Variants in IQCH observed in about 807,000 individuals in gnomAD.
IQCH encodes IQ motif containing H.
In IQCH, 98 loss-of-function variants were observed where a neutral mutation model predicts 117.0. The ratio of observed to expected loss-of-function variants is 0.84; its 90% CI spans 0.71 to 0.99. The LOEUF (loss-of-function observed/expected upper bound fraction) is 0.99, where lower values mean the gene tolerates loss of function less well. Among genes scored for constraint, IQCH ranks in the 50% least tolerant of loss-of-function variants. IQCH has a pLI of 0.00. For missense variants in IQCH, 1,102 were observed against 1,243.8 expected (o/e 0.89, Z 1.72); for synonymous variants, 412 against 448.2 (o/e 0.92, Z 1.02).
intron 18 of IQCH, among the ~76,000 whole-genome samples, chr15:67,484,235 G>A (rs933563206): frequency 6.6e-6 from 1 of 151,838 alleles, no homozygotes; most frequent in African/African-American, 2.4e-5. Flanking sequence ...GCAAAACCCT[G>A]TCTCCACAAA....
At position 67,476,042 on chromosome 15, in the gene IQCH, A is replaced by G. The variant is rs1395131607; in HGVS notation, c.2799+224A>G. ...ACTTCGTCTCCAATCTTACACACCCACTTTGCTAAAGCAGAAGCCATGCAA... is the reference window on the plus strand; with the variant it reads ...ACTTCGTCTCCAATCTTACACACCCGCTTTGCTAAAGCAGAAGCCATGCAA... On this transcript the variant is annotated intron_variant, in intron 18 of 20. Coordinates refer to ENST00000335894, the MANE Select transcript of IQCH (RefSeq NM_001031715.3). This position sits in a 1 kb window ranked among gnomAD's most constrained non-coding sequence, Gnocchi z 4.1. Among the ~76,000 whole-genome samples, 1 of 152,194 alleles carries G rather than the reference A, an allele frequency of 6.6e-6. No individual in the cohort carries two copies. The highest frequency in any genetic ancestry group is 6.6e-5 in the Admixed American group (1 of 15,266).
At chr15:67,312,250 G>A (rs182262933) in intron 4 of IQCH, among the ~76,000 whole-genome samples, 177 of 152,212 alleles carry the variant, frequency 1.2e-3, no homozygotes, top group African/African-American at 3.9e-3. Flanking sequence ...TCACACCTAT[G>A]ATAGGTTTAG....
At chr15:67,442,184 T>G (rs2082285083) in intron 16 of IQCH, among the ~76,000 whole-genome samples, 1 of 150,274 alleles carries the variant, frequency 6.7e-6, no homozygotes, top group African/African-American at 2.5e-5. Context: ...GCCAAGGTGG[T>G]CAGGTCACCT....
intron 4 of IQCH, among the ~76,000 whole-genome samples, chr15:67,329,975 T>A (rs1013546586): frequency 1.3e-5 from 2 of 152,126 alleles, no homozygotes; most frequent in Non-Finnish European, 1.5e-5. Flanking sequence ...AGCATAGAAG[T>A]TTGTGGCTCG....
At chr15:67,464,783 T>C (rs1307532069) in intron 16 of IQCH, among the ~76,000 whole-genome samples, 1 of 152,162 alleles carries the variant, frequency 6.6e-6, no homozygotes. Context: ...TCAGTCTCAT[T>C]TTCTCAGTAG....
chr15:67,281,956 T>A (rs1050602901), intron 4 of IQCH: 13 of 355,862 alleles, frequency 3.7e-5, no homozygotes, highest in South Asian at 2.8e-4. Flanking sequence ...ACTTGTTACA[T>A]TGGGTCTGTC....
At position 67,424,963 on chromosome 15, in the gene IQCH, T is replaced by TG. The variant is rs2081848843; in HGVS notation, c.2505+3387dup. Among the ~76,000 whole-genome samples, 1 of 152,248 alleles carries TG rather than the reference T, an allele frequency of 6.6e-6. No individual in the cohort carries two copies. Among genetic ancestry groups the TG allele is most frequent in the African/African-American group, 2.4e-5 (1 of 41,470 alleles). ...ATCTTAATTTTTTTTCTAATTGACA[T>TG]GCCTTGTGATGCCATTGAAGCGACT... is the stretch of plus-strand genomic sequence containing the variant. On this transcript the variant is annotated intron_variant, in intron 16 of 20. Transcript: ENST00000335894. The surrounding 1 kb of genome is among the most constrained non-coding windows in gnomAD (Gnocchi z 4.9).
Position 67,485,190 on chromosome 15 carries a change from A to G in IQCH, c.2800-4813A>G, listed in dbSNP as rs560928479. 2.0e-5 allele frequency among the ~76,000 whole-genome samples: 3 copies of G among 152,314 alleles called. No homozygotes were observed. In the South Asian group the frequency reaches 6.2e-4, roughly 32 times the overall value. ...AGGACTAATATGTTCAAGAAAACAT[A>G]TATGTTTGTAATATGTTCATGTCAC... On this transcript the variant is annotated intron_variant, in intron 18 of 20. Transcript: ENST00000335894.
intron 16 of IQCH, among the ~76,000 whole-genome samples, chr15:67,429,499 CA>C (rs1437672111): frequency 6.6e-6 from 1 of 152,120 alleles, no homozygotes; most frequent in African/African-American, 2.4e-5. Context: ...GCTTGAGCAA[CA>C]GAACGAGACC....
rs1351349840 is a variant in IQCH at position 67,372,494 on chromosome 15, A to G, written c.1137A>G (p.Thr379=). ...NSEAAMKIQA[T]WKCYKARKFF... Reference sequence around the variant, plus strand: ...AGGCCGCCATGAAGATCCAAGCCACATGGAAATGCTACAAAGCAAGAAAAT... The same window carrying G: ...AGGCCGCCATGAAGATCCAAGCCACGTGGAAATGCTACAAAGCAAGAAAAT... The change falls in exon 9 of 21, where the codon ACA becomes ACG. Residue 379 remains threonine (T), a synonymous_variant. Transcript: ENST00000335894. 7.4e-6 allele frequency: 12 copies of G among 1,614,082 alleles called. No individual in the cohort carries two copies. Among genetic ancestry groups the G allele is most frequent in the East Asian group, 4.5e-5 (2 of 44,878 alleles).
At chr15:67,434,785 CTTTT>C (rs775675138) in intron 16 of IQCH, among the ~76,000 whole-genome samples, 1 of 126,866 alleles carries the variant, frequency 7.9e-6, no homozygotes, top group Non-Finnish European at 1.6e-5. Flanking sequence ...CTTTTCTTTT[CTTTT>C]TTTTTTTTTT....
rs966427644 is a variant in IQCH, at chr15:67,457,167, ATTTAGGCAGAGGGCCTATTGC to A, written c.2506-7959_2506-7939del. On this transcript the variant is annotated intron_variant, in intron 16 of 20. Transcript: ENST00000335894. This position sits in a 1 kb window ranked among gnomAD's most constrained non-coding sequence, Gnocchi z 5.7. ...CGGCTGCTCTCCCCTCTGCCTATTG[ATTTAGGCAGAGGGCCTATTGC>A]ATTTTAATGTTATGCAAACAACTCT... Among the ~76,000 whole-genome samples, 5 of 152,198 alleles carry A rather than the reference ATTTAGGCAGAGGGCCTATTGC, an allele frequency of 3.3e-5. No homozygotes were observed. Among genetic ancestry groups the A allele is most frequent in the African/African-American group, 9.7e-5 (4 of 41,448 alleles).
chr15:67,468,599 A>T (rs747078887), intron 17 of IQCH, among the ~76,000 whole-genome samples: 2 of 152,248 alleles, frequency 1.3e-5, no homozygotes, highest in Non-Finnish European at 2.9e-5. Flanking sequence ...GCAGTTCATT[A>T]TGCATGTGGA....
rs553691569 is a variant in IQCH at position 67,385,243 on chromosome 15, G to A, written c.1456+224G>A. ...AAATGACATTTTAACCAATTTACTTGGGCAGTTTTCTAGATTATCTTTGCT... is the reference window on the plus strand; with the variant it reads ...AAATGACATTTTAACCAATTTACTTAGGCAGTTTTCTAGATTATCTTTGCT... On this transcript the variant is annotated intron_variant, in intron 11 of 20. Transcript: ENST00000335894. This position sits in a 1 kb window ranked among gnomAD's most constrained non-coding sequence, Gnocchi z 4.6. Among the ~76,000 whole-genome samples, 1 of 152,166 alleles carries A rather than the reference G, an allele frequency of 6.6e-6. No individual in the cohort carries two copies. The highest frequency in any genetic ancestry group is 1.5e-5 in the Non-Finnish European group (1 of 68,002).
chr15:67,265,856 C>T (rs538942165), intron 3 of IQCH, among the ~76,000 whole-genome samples: 23 of 152,296 alleles, frequency 1.5e-4, no homozygotes, highest in Non-Finnish European at 2.9e-4. Context: ...TTCAAGTTCT[C>T]ATGCCTAGAA....
chr15:67,359,942 T>A lies in IQCH; in HGVS notation c.753+57T>A. On this transcript the variant is annotated intron_variant, in intron 8 of 20. Transcript: ENST00000335894. The surrounding 1 kb of genome is among the most constrained non-coding windows in gnomAD (Gnocchi z 4.5). ...GGGTCTGTCACCTGATGTCCCTTCC[T>A]TTTGCTGCAGGGCAAGAGTATGGGT... The A allele has an allele frequency of 1.4e-6, 2 of 1,411,308 alleles. No homozygotes were observed. Among genetic ancestry groups the A allele is most frequent in the Non-Finnish European group, 2.0e-6 (2 of 995,306 alleles). The allele number at this position is 1,411,308 out of a possible 1,614,324, so 87.4% of individuals were successfully genotyped here.
chr15:67,255,316 T>C (rs1030574844), intron 1 of IQCH: 4 of 221,304 alleles, frequency 1.8e-5, no homozygotes, highest in Non-Finnish European at 2.7e-5. Flanking sequence ...TCGGACACTC[T>C]AGGAGGTGAT....
chr15:67,372,780 A>G, intron 9 of IQCH, 118 bp downstream of exon 9: 1 of 816,448 alleles, frequency 1.2e-6, no homozygotes, highest in Non-Finnish European at 1.9e-6. Context: ...TCCTTGCCTC[A>G]GACTCCCACG....
intron 18 of IQCH, among the ~76,000 whole-genome samples, chr15:67,487,305 C>A (rs1298396138): frequency 6.6e-6 from 1 of 152,060 alleles, no homozygotes; most frequent in Non-Finnish European, 1.5e-5. Flanking sequence ...TGCACTCCAG[C>A]CTGGGTGACC....
Sources: allele counts gnomAD v4.1 joint callset (sites outside exome capture counted in the v4.1 genomes callset), GRCh38; gene constraint gnomAD v4.1.1; non-coding constraint Gnocchi (gnomAD v3.1); transcripts MANE v1.5; gene names NCBI Gene and HGNC (gene_info 2026-07-23, HGNC 2026-07-21).